Variants in VPS35 observed in about 807,000 individuals in gnomAD.
VPS35 encodes the protein vacuolar protein sorting-associated protein 35.
In VPS35, 21 loss-of-function variants were observed where a neutral mutation model predicts 98.1. The observed-to-expected ratio is 0.21, with a 90% confidence interval of 0.15 to 0.31. The LOEUF (loss-of-function observed/expected upper bound fraction) is 0.31. VPS35 is among the 10% of genes least tolerant of loss of function. The pLI is 1.00. For missense variants in VPS35, 554 were observed against 950.8 expected (o/e 0.58, Z 5.49); for synonymous variants, 268 against 318.2 (o/e 0.84, Z 1.68).
chr16:46,679,206 C>A (rs1401038655), intron 5 of VPS35, 50 bp from the exon 6 acceptor site: 5 of 1,463,598 alleles, frequency 3.4e-6, no homozygotes, highest in Non-Finnish European at 4.7e-6. Context: ...GACCAACTTA[C>A]TACTATCCTT....
chr16:46,685,517 T>G (rs1966297036), intron 1 of VPS35, among the ~76,000 whole-genome samples: 1 of 152,188 alleles, frequency 6.6e-6, no homozygotes, highest in African/African-American at 2.4e-5. Flanking sequence ...GCACTCTTCC[T>G]CAGAAGCACA....
Position 46,661,513 on chromosome 16 carries a change from A to C in VPS35, c.2211+205T>G, listed in dbSNP as rs1375936287. The C allele has an allele frequency of 2.0e-6, 1 of 504,010 alleles. No individual in the cohort carries two copies. Among genetic ancestry groups the C allele is most frequent in the Non-Finnish European group, 3.4e-6 (1 of 292,294 alleles). 31.2% of individuals were successfully genotyped at this position (504,010 alleles called of 1,614,324 possible). On this transcript the variant is annotated intron_variant, in intron 16 of 16. Transcript: ENST00000299138. This position sits in a 1 kb window ranked among gnomAD's most constrained non-coding sequence, Gnocchi z 4.3. ...CCAAAGTGCTGGGATTACAGGCATG[A>C]GCCACCACGCCCAGCCTAGGAATTA...
At chr16:46,662,538 A>G in intron 14 of VPS35, 56 bp from the exon 15 acceptor site, 1 of 1,605,138 alleles carries the variant, frequency 6.2e-7, no homozygotes, top group South Asian at 1.1e-5. Flanking sequence ...CTAGTTGAGC[A>G]TTTTCCAAAG....
In VPS35 at chr16:46,671,874, G is replaced by A. The variant is rs1966075185; in HGVS notation, c.1369-14C>T. Reference sequence around the variant, plus strand: ...TATGGAATCCACCTGTAACATGCGAGGCACAAGAAACCCACTGAGGTGAAA... The same window carrying A: ...TATGGAATCCACCTGTAACATGCGAAGCACAAGAAACCCACTGAGGTGAAA... On this transcript the variant is annotated splice_polypyrimidine_tract_variant and intron_variant, in intron 11 of 16. Coordinates refer to ENST00000299138, the MANE Select transcript of VPS35 (RefSeq NM_018206.6). The A allele has an allele frequency of 1.2e-6, 2 of 1,611,892 alleles. No individual in the cohort carries two copies. The highest frequency in any genetic ancestry group is 8.5e-7 in the Non-Finnish European group (1 of 1,179,830).
chr16:46,665,376 C>G (rs1278240854), intron 13 of VPS35, among the ~76,000 whole-genome samples: 1 of 152,128 alleles, frequency 6.6e-6, no homozygotes, highest in Non-Finnish European at 1.5e-5. Context: ...GCAGGAGGAT[C>G]GCTTGAGCCC....
In VPS35 at chr16:46,683,601, T is replaced by C. The variant is rs1364157460; in HGVS notation, c.9A>G (p.Thr3=). The change falls in exon 2 of 17, where the codon ACA becomes ACG. Residue 3 remains threonine (T), a synonymous_variant. Coordinates refer to ENST00000299138, the MANE Select transcript of VPS35 (RefSeq NM_018206.6). ...GCTCATCCTGAGGGGACTGCTGTGT[T>C]GTAGGCTGAAAAATAAAAAATTCCA... The part of the protein sequence containing the change: MP[T]TQQSPQDEQE... 6.2e-7 allele frequency: 1 copy of C among 1,611,846 alleles called. No individual in the cohort carries two copies. Among genetic ancestry groups the C allele is most frequent in the Non-Finnish European group, 8.5e-7 (1 of 1,178,980 alleles).
chr16:46,689,095 G>A (rs1413030554), intron 1 of VPS35, 36 bp downstream of exon 1: 8 of 1,604,306 alleles, frequency 5.0e-6, no homozygotes, highest in East Asian at 2.2e-5. Context: ...CTACAAGGAG[G>A]GTCGACCCAG....
chr16:46,662,077 C>T, intron 15 of VPS35, 166 bp downstream of exon 15: 1 of 1,344,796 alleles, frequency 7.4e-7, no homozygotes, highest in South Asian at 1.3e-5. Context: ...ATCCTCAAAG[C>T]AGAGGCTTCA....
At position 46,660,376 on chromosome 16, in the gene VPS35, G is replaced by T; in HGVS notation, c.*96C>A. The T allele has an allele frequency of 6.6e-7, 1 of 1,505,694 alleles. No individual in the cohort carries two copies. The highest frequency in any genetic ancestry group is 9.1e-7 in the Non-Finnish European group (1 of 1,094,322). The allele number at this position is 1,505,694 out of a possible 1,614,324, so 93.3% of individuals were successfully genotyped here. On this transcript the variant is annotated 3_prime_UTR_variant, in exon 17 of 17. Coordinates refer to ENST00000299138, the MANE Select transcript of VPS35 (RefSeq NM_018206.6). ...GGTAAGAAATGGGAAACCTACCTCA[G>T]CATTTCTGAAAGGCACAATCTATGG...
chr16:46,679,415 T>C (rs921955910), intron 5 of VPS35, among the ~76,000 whole-genome samples: 1 of 152,170 alleles, frequency 6.6e-6, no homozygotes, highest in Non-Finnish European at 1.5e-5. Context: ...CTTGCTCTTA[T>C]GGCAACTTCC....
At chr16:46,668,259 G>C (rs938422399) in intron 13 of VPS35, among the ~76,000 whole-genome samples, 11 of 152,146 alleles carry the variant, frequency 7.2e-5, no homozygotes, top group African/African-American at 2.7e-4. Context: ...GCTGGGCATG[G>C]TGGTGCACAC....
At chr16:46,672,033 C>G (rs1272722885) in intron 11 of VPS35, among the ~76,000 whole-genome samples, 173 bp from the exon 12 acceptor site, 1 of 152,184 alleles carries the variant, frequency 6.6e-6, no homozygotes, top group Non-Finnish European at 1.5e-5. Flanking sequence ...AGACAAAAGT[C>G]TGGAAAGATA....
At position 46,677,287 on chromosome 16, in the gene VPS35, T is replaced by TA. The variant is rs535490916; in HGVS notation, c.804+27dup. 4,000 of 1,566,642 alleles carry TA rather than the reference T, an allele frequency of 2.6e-3. 7 individuals carry two copies. Among genetic ancestry groups the TA allele is most frequent in the Non-Finnish European group, 2.6e-3 (2,918 of 1,139,874 alleles). On this transcript the variant is annotated intron_variant, in intron 7 of 16. Coordinates refer to ENST00000299138, the MANE Select transcript of VPS35 (RefSeq NM_018206.6). ...TTAATGAAAGATAAAATAGGTCGTT[T>TA]AAAAAAAAATGAAATGTTCCCAGCT... is the stretch of plus-strand genomic sequence containing the variant.
At chr16:46,678,824 A>G (rs1475263772) in intron 6 of VPS35, 119 bp downstream of exon 6, 11 of 1,032,716 alleles carry the variant, frequency 1.1e-5, no homozygotes, top group African/African-American at 3.2e-5. Flanking sequence ...GTCTTCTTCA[A>G]TAACAGCCAT....
At chr16:46,669,232 G>A (rs1245144771) in intron 12 of VPS35, 180 bp from the exon 13 acceptor site, 7 of 752,004 alleles carry the variant, frequency 9.3e-6, no homozygotes, top group African/African-American at 3.5e-5. Context: ...CCCAGAGACA[G>A]ATACTATTCC....
At chr16:46,688,275 G>C in intron 1 of VPS35, 1 of 983,574 alleles carries the variant, frequency 1.0e-6, no homozygotes, top group Non-Finnish European at 1.2e-6. Flanking sequence ...CACAGTGCAG[G>C]CTATGTTAAA....
intron 1 of VPS35, among the ~76,000 whole-genome samples, chr16:46,684,943 C>T (rs1966289429): frequency 6.6e-6 from 1 of 152,122 alleles, no homozygotes; most frequent in Non-Finnish European, 1.5e-5. Flanking sequence ...TAAAAAGCCA[C>T]ATATTGTATG....
intron 1 of VPS35, chr16:46,688,681 C>A: frequency 9.3e-7 from 1 of 1,070,172 alleles, no homozygotes; most frequent in Non-Finnish European, 1.1e-6. Context: ...GTGGGGACGG[C>A]CGAGCACAAC....
chr16:46,672,594 T>A, intron 10 of VPS35, 122 bp from the exon 11 acceptor site: 1 of 781,844 alleles, frequency 1.3e-6, no homozygotes, highest in South Asian at 1.6e-5. Flanking sequence ...GTCAAGTGAA[T>A]CATACCACCA....
Sources: allele counts gnomAD v4.1 joint callset (sites outside exome capture counted in the v4.1 genomes callset), GRCh38; gene constraint gnomAD v4.1.1; non-coding constraint Gnocchi (gnomAD v3.1); transcripts MANE v1.5; gene names NCBI Gene and HGNC (gene_info 2026-07-23, HGNC 2026-07-21).